The following RUVBL1 variants were observed in gnomAD, a reference collection of about 807,000 sequenced individuals.
RUVBL1 encodes the protein ruvB-like 1.
In RUVBL1, 4 loss-of-function variants were observed where a neutral mutation model predicts 52.4. The ratio of observed to expected loss-of-function variants is 0.08; its 90% CI spans 0.04 to 0.17. RUVBL1 has a LOEUF of 0.17. Ranked by LOEUF, RUVBL1 falls within the 10% of genes least tolerant of loss-of-function variation. The pLI, the probability that RUVBL1 is intolerant of heterozygous loss-of-function variation, is 1.00. For missense variants in RUVBL1, 298 were observed against 572.8 expected (o/e 0.52, Z 4.90); for synonymous variants, 217 against 214.4 (o/e 1.01, Z -0.10).
At chr3:128,124,423 A>G (rs1333783014), upstream of RUVBL1, among the ~76,000 whole-genome samples, 1 of 152,184 alleles carries the variant, frequency 6.6e-6, no homozygotes, top group Non-Finnish European at 1.5e-5. Flanking sequence ...AAACAAGCGG[A>G]AAGAGGCCCA....
Position 128,123,719 on chromosome 3 carries a change from C to T in RUVBL1, c.6G>A (p.Lys2=). The change falls in exon 1 of 11, where the codon AAG becomes AAA. Residue 2 remains lysine, a synonymous_variant. Transcript: ENST00000322623. ...TCGTAGTGCTCTTCACCTCCTCAAT[C>T]TTCATTTTGCAGACGCCGGGAGCTA... is the stretch of plus-strand genomic sequence containing the variant. M[K]IEEVKSTTKT... 1 of 1,599,566 alleles carries T rather than the reference C, an allele frequency of 6.3e-7. No homozygotes were observed. Among genetic ancestry groups the T allele is most frequent in the Non-Finnish European group, 8.5e-7 (1 of 1,170,092 alleles).
intron 1 of RUVBL1, among the ~76,000 whole-genome samples, chr3:128,140,227 T>TG (rs1491197627): frequency 3.7e-5 from 2 of 53,488 alleles, no homozygotes; most frequent in Non-Finnish European, 7.3e-5. Flanking sequence ...TTTTTTTGTT[T>TG]GTTTGTTTTT....
Position 128,111,697 on chromosome 3 carries a change from T to C in RUVBL1, c.361+1191A>G, listed in dbSNP as rs1254189349. Among the ~76,000 whole-genome samples the C allele has an allele frequency of 3.3e-5, 5 of 152,340 alleles. No individual in the cohort carries two copies. In the East Asian group the frequency reaches 9.6e-4, roughly 29 times the overall value. ...CCAGCACTTTCTAACTGCTTCTCCT[T>C]TTGTTCAATGTAAAATCAAAAGCTT... On this transcript the variant is annotated intron_variant, in intron 3 of 10. Coordinates refer to ENST00000322623, the MANE Select transcript of RUVBL1 (RefSeq NM_003707.3).
Position 128,067,666 on chromosome 3 carries a change from G to A in RUVBL1, c.940-2446C>T. The A allele has an allele frequency of 7.2e-7, 1 of 1,384,656 alleles. No homozygotes were observed. Among genetic ancestry groups the A allele is most frequent in the Non-Finnish European group, 1.0e-6 (1 of 995,932 alleles). 85.8% of individuals were successfully genotyped at this position (1,384,656 alleles called of 1,614,324 possible). ...GTGATGAAAGTGTGACTGGTATAAG[G>A]GGTGTGGACTTGTCACCTCATCATA... On this transcript the variant is annotated intron_variant, in intron 9 of 9. Coordinates refer to the RUVBL1 transcript ENST00000464873. The surrounding 1 kb of genome is among the most constrained non-coding windows in gnomAD (Gnocchi z 4.1).
chr3:128,111,836 T>C (rs1420636234), intron 3 of RUVBL1, among the ~76,000 whole-genome samples: 2 of 152,240 alleles, frequency 1.3e-5, no homozygotes, highest in African/African-American at 2.4e-5. Flanking sequence ...ATACTTACTT[T>C]GGTTTGACAA....
At chr3:128,074,061 A>G (rs1164015969) in intron 9 of RUVBL1, among the ~76,000 whole-genome samples, 1 of 152,208 alleles carries the variant, frequency 6.6e-6, no homozygotes, top group Non-Finnish European at 1.5e-5. Context: ...AATTTCCCAT[A>G]AAACTAGACA....
At chr3:128,122,113 A>G (rs962515070) in intron 1 of RUVBL1, among the ~76,000 whole-genome samples, 2 of 152,228 alleles carry the variant, frequency 1.3e-5, no homozygotes, top group African/African-American at 2.4e-5. Flanking sequence ...GTTTAAATAC[A>G]TAGACTTGAG....
At position 128,140,567 on chromosome 3, in the gene RUVBL1, T is replaced by G. The variant is rs193266929; in HGVS notation, c.-40+12636A>C. On this transcript the variant is annotated intron_variant, in intron 1 of 9. Coordinates refer to the RUVBL1 transcript ENST00000464873. ...TAAAAGTAACTAACATTGATTTATATAGTGAGAACACTATTGCCTTTTTAG... is the reference window on the plus strand; with the variant it reads ...TAAAAGTAACTAACATTGATTTATAGAGTGAGAACACTATTGCCTTTTTAG... Among the ~76,000 whole-genome samples, 280 of 152,296 alleles carry G rather than the reference T, an allele frequency of 1.8e-3. 1 individual carries two copies. The highest frequency in any genetic ancestry group is 6.3e-3 in the African/African-American group (260 of 41,552).
rs1219954832 is a variant in RUVBL1, at chr3:128,153,419, C to T, written c.-256G>A. On this transcript the variant is annotated 5_prime_UTR_variant, in exon 1 of 10. Transcript: ENST00000464873. ...ACGGGTGTGCACAGCGCGCCGGTTA[C>T]GGGGGGGCAACTTAACGGGCCGGAC... is the stretch of plus-strand genomic sequence containing the variant. 4.9e-6 allele frequency: 7 copies of T among 1,418,168 alleles called. No homozygotes were observed. The East Asian group carries it at 1.1e-4, about 23-fold the overall frequency. The allele number at this position is 1,418,168 out of a possible 1,614,324, so 87.8% of individuals were successfully genotyped here.
chr3:128,121,013 T>C (rs1285376460), intron 1 of RUVBL1, among the ~76,000 whole-genome samples: 1 of 151,952 alleles, frequency 6.6e-6, no homozygotes, highest in African/African-American at 2.4e-5. Context: ...GCAATGTGTG[T>C]GGGTATGCTA....
intron 9 of RUVBL1, among the ~76,000 whole-genome samples, chr3:128,072,699 C>T (rs537860029): frequency 2.6e-5 from 4 of 152,188 alleles, no homozygotes; most frequent in Non-Finnish European, 5.9e-5. Context: ...AGGCAGGGTG[C>T]TTGCCAGTAT....
intron 1 of RUVBL1, among the ~76,000 whole-genome samples, chr3:128,146,986 A>G (rs1944116108): frequency 6.6e-6 from 1 of 152,254 alleles, no homozygotes; most frequent in African/African-American, 2.4e-5. Context: ...GGAGAACAAG[A>G]GCAGATGCAG....
chr3:128,111,234 AAAG>A (rs1411603913), intron 3 of RUVBL1, among the ~76,000 whole-genome samples: 2 of 151,700 alleles, frequency 1.3e-5, no homozygotes, highest in African/African-American at 4.8e-5. Context: ...AAAAAAAAAA[AAAG>A]GCTTCTGTTT....
intron 8 of RUVBL1, among the ~76,000 whole-genome samples, chr3:128,090,913 AT>A (rs1942816979): frequency 6.6e-6 from 1 of 152,232 alleles, no homozygotes; most frequent in South Asian, 2.1e-4. Context: ...CACAACAAAC[AT>A]AAAAAGTTTA....
intron 1 of RUVBL1, among the ~76,000 whole-genome samples, chr3:128,134,502 G>A (rs865918392): frequency 1.4e-5 from 2 of 142,678 alleles, no homozygotes; most frequent in Admixed American, 1.4e-4. Flanking sequence ...AATACACAGA[G>A]GTGGCCAGGC....
At chr3:128,123,965 G>A, upstream of RUVBL1, 3 of 1,209,370 alleles carry the variant, frequency 2.5e-6, no homozygotes, top group Non-Finnish European at 3.1e-6. Flanking sequence ...GGCTTCCCCC[G>A]TAGCCGGCGC....
At chr3:128,121,633 C>T (rs1216785420) in intron 1 of RUVBL1, among the ~76,000 whole-genome samples, 7 of 149,894 alleles carry the variant, frequency 4.7e-5, no homozygotes, top group African/African-American at 9.8e-5. Context: ...TCGCTTGAAC[C>T]CAGGAGGCAG....
At chr3:128,091,118 A>G (rs771924382) in intron 8 of RUVBL1, among the ~76,000 whole-genome samples, 3 of 152,274 alleles carry the variant, frequency 2.0e-5, no homozygotes, top group Non-Finnish European at 4.4e-5. Flanking sequence ...TTCAGGAATT[A>G]AAGACCAAAC....
At chr3:128,086,636 G>A (rs1276365778) in intron 9 of RUVBL1, among the ~76,000 whole-genome samples, 1 of 152,232 alleles carries the variant, frequency 6.6e-6, no homozygotes, top group Admixed American at 6.5e-5. Flanking sequence ...GGGCTCTACA[G>A]GGCACTGCCT....
Sources: gnomAD v4.1 joint callset for allele counts (sites outside exome capture counted in the v4.1 genomes callset) on GRCh38, gnomAD v4.1.1 for gene constraint, Gnocchi (gnomAD v3.1) non-coding constraint, MANE v1.5 for transcripts, NCBI Gene and HGNC (gene_info 2026-07-23, HGNC 2026-07-21) for gene names.